Variants in CRYBA1 observed in about 807,000 individuals in gnomAD.
CRYBA1 encodes the protein crystallin beta A1.
Under a neutral mutation model 36.2 loss-of-function variants are expected in CRYBA1, and 25 were observed. That is an observed-to-expected ratio of 0.69 (90% CI 0.50 to 0.97). The LOEUF is 0.97. Ranked by LOEUF, CRYBA1 falls within the 50% of genes least tolerant of loss-of-function variation. The pLI, the probability that CRYBA1 is intolerant of heterozygous loss-of-function variation, is 0.00. For synonymous variants in CRYBA1, 111 were observed against 90.0 expected (o/e 1.23, Z -1.32); for missense variants, 224 against 276.3 (o/e 0.81, Z 1.34).
intron 4 of CRYBA1, among the ~76,000 whole-genome samples, chr17:29,252,832 T>C (rs1438351620): frequency 6.6e-6 from 1 of 152,242 alleles, no homozygotes; most frequent in Non-Finnish European, 1.5e-5. Flanking sequence ...TGTGAGAGTT[T>C]CTCGTGATTT....
At position 29,250,179 on chromosome 17, in the gene CRYBA1, C is replaced by T; in HGVS notation, c.97-3C>T. On this transcript the variant is annotated splice_polypyrimidine_tract_variant and splice_region_variant and intron_variant, in intron 2 of 5. Transcript: ENST00000225387. Reference sequence around the variant, plus strand: ...TCTCTTGCGCCATTCAATCTCATTTCAGATAACCATCTATGATCAGGAGAA... The same window carrying T: ...TCTCTTGCGCCATTCAATCTCATTTTAGATAACCATCTATGATCAGGAGAA... The T allele has an allele frequency of 1.3e-6, 2 of 1,521,344 alleles. No homozygotes were observed. Among genetic ancestry groups the T allele is most frequent in the African/African-American group, 1.4e-5 (1 of 73,294 alleles). The allele number at this position is 1,521,344 out of a possible 1,614,324, so 94.2% of individuals were successfully genotyped here.
chr17:29,252,308 G>T, intron 4 of CRYBA1, 103 bp downstream of exon 4: 1 of 1,497,724 alleles, frequency 6.7e-7, no homozygotes, highest in Non-Finnish European at 9.2e-7. Context: ...GCTGAATGTG[G>T]CAGGAAAAAA....
intron 1 of CRYBA1, among the ~76,000 whole-genome samples, chr17:29,247,236 A>C (rs1183034311): frequency 6.6e-6 from 1 of 152,154 alleles, no homozygotes; most frequent in African/African-American, 2.4e-5. Flanking sequence ...TCCTGGGCCC[A>C]ATACCAGCCA....
At chr17:29,249,062 C>T in intron 1 of CRYBA1, 80 bp from the exon 2 acceptor site, 1 of 924,242 alleles carries the variant, frequency 1.1e-6, no homozygotes, top group East Asian at 2.4e-5. Context: ...GACTTCAAGT[C>T]TCCTTTACCT....
intron 1 of CRYBA1, among the ~76,000 whole-genome samples, chr17:29,247,788 A>G (rs1225888552): frequency 1.3e-5 from 2 of 152,238 alleles, no homozygotes; most frequent in Non-Finnish European, 2.9e-5. Flanking sequence ...TGAGAAGGCA[A>G]GGTCAAGGCT....
At chr17:29,249,316 T>A in intron 2 of CRYBA1, 110 bp downstream of exon 2, 1 of 761,122 alleles carries the variant, frequency 1.3e-6, no homozygotes, top group Non-Finnish European at 2.3e-6. Flanking sequence ...AAACCCCAGT[T>A]TGTAGGGGAA....
At chr17:29,253,857 GATT>G in intron 5 of CRYBA1, 75 bp downstream of exon 5, 1 of 1,526,112 alleles carries the variant, frequency 6.6e-7, no homozygotes, top group Admixed American at 1.8e-5. Flanking sequence ...GTTTTAATCA[GATT>G]TCATACGTAT....
chr17:29,251,142 G>A (rs1417874511), intron 3 of CRYBA1, among the ~76,000 whole-genome samples: 1 of 152,208 alleles, frequency 6.6e-6, no homozygotes, highest in East Asian at 1.9e-4. Flanking sequence ...GAAGAAAAAA[G>A]ACTAGTAATC....
rs3214267 is a variant in CRYBA1, at chr17:29,252,326, G to GT, written c.357+122dup. On this transcript the variant is annotated intron_variant, in intron 4 of 5. Coordinates refer to ENST00000225387, the MANE Select transcript of CRYBA1 (RefSeq NM_005208.5). ...GAATGTGGCAGGAAAAAAGACAAAAGTAAAAAAAGAGAAAACATCACTTTC... is the reference window on the plus strand; with the variant it reads ...GAATGTGGCAGGAAAAAAGACAAAAGTTAAAAAAAGAGAAAACATCACTTTC... 38 of 1,377,604 alleles carry GT rather than the reference G, an allele frequency of 2.8e-5. 1 individual carries two copies. In the East Asian group the frequency reaches 9.3e-4, roughly 34 times the overall value. 85.3% of individuals were successfully genotyped at this position (1,377,604 alleles called of 1,614,324 possible).
In CRYBA1 at chr17:29,253,650, A is replaced by G. The variant is rs2153009702; in HGVS notation, c.368A>G (p.Glu123Gly). The G allele has an allele frequency of 1.2e-6, 2 of 1,612,298 alleles. No individual in the cohort carries two copies. Among genetic ancestry groups the G allele is most frequent in the Non-Finnish European group, 1.7e-6 (2 of 1,178,312 alleles). Reference sequence around the variant, plus strand: ...ATTTCTGAATTACAGAATCATAAGGAGTCTAAGATGACCATCTTTGAGAAG... The same window carrying G: ...ATTTCTGAATTACAGAATCATAAGGGGTCTAAGATGACCATCTTTGAGAAG... ...FRPICSANHKESKMTIFEKEN... is the reference protein window; with the variant it reads ...FRPICSANHKGSKMTIFEKEN... The change falls in exon 5 of 6, where the codon GAG (glutamate) becomes GGG (glycine). Residue 123 changes from glutamate to glycine, a missense_variant. Glu to Gly is a moderately conservative substitution (Grantham distance 98). Coordinates refer to ENST00000225387, the MANE Select transcript of CRYBA1 (RefSeq NM_005208.5).
Position 29,254,467 on chromosome 17 carries a change from A to G in CRYBA1, c.*118A>G. ...TTTCAAATGTTAGCTGCTGAAATCC[A>G]CAATAAACGTCATTTAAAAAAAAAA... On this transcript the variant is annotated 3_prime_UTR_variant, in exon 6 of 6. Coordinates refer to ENST00000225387, the MANE Select transcript of CRYBA1 (RefSeq NM_005208.5). 9.1e-7 allele frequency: 1 copy of G among 1,095,246 alleles called. No homozygotes were observed. The highest frequency in any genetic ancestry group is 1.4e-6 in the Non-Finnish European group (1 of 736,766). The allele number at this position is 1,095,246 out of a possible 1,614,324, so 67.8% of individuals were successfully genotyped here.
At chr17:29,250,746 GA>G (rs201957087) in intron 3 of CRYBA1, among the ~76,000 whole-genome samples, 17 of 147,918 alleles carry the variant, frequency 1.1e-4, no homozygotes, top group East Asian at 2.0e-4. Flanking sequence ...ATTTCTTTAT[GA>G]AAAAAAAAAC....
In CRYBA1 at chr17:29,248,188, G is replaced by A. The variant is rs560063387; in HGVS notation, c.32-954G>A. On this transcript the variant is annotated intron_variant, in intron 1 of 5. Transcript: ENST00000225387. ...TGAGACCGTGAAGGGTTACGAGGGA[G>A]TCTGGGGCTTGGGATCCTGGCATGG... Among the ~76,000 whole-genome samples, 5 of 152,078 alleles carry A rather than the reference G, an allele frequency of 3.3e-5. No homozygotes were observed. In the East Asian group the frequency reaches 9.6e-4, roughly 29 times the overall value.
At chr17:29,248,621 T>C (rs764802377) in intron 1 of CRYBA1, among the ~76,000 whole-genome samples, 7 of 151,284 alleles carry the variant, frequency 4.6e-5, no homozygotes, top group East Asian at 2.0e-4. Flanking sequence ...CGCTTTGGCC[T>C]CCCAAAGTGC....
chr17:29,248,060 G>A (rs1414681830), intron 1 of CRYBA1, among the ~76,000 whole-genome samples: 1 of 151,778 alleles, frequency 6.6e-6, no homozygotes, highest in East Asian at 2.0e-4. Context: ...AGGTTGCGGT[G>A]AGCCGAGATT....
chr17:29,253,103 A>G (rs1288656796), intron 4 of CRYBA1, among the ~76,000 whole-genome samples: 1 of 152,224 alleles, frequency 6.6e-6, no homozygotes, highest in Non-Finnish European at 1.5e-5. Context: ...AGAACATTCC[A>G]TCATAGTTCC....
Position 29,247,267 on chromosome 17 carries a change from T to C in CRYBA1, c.31+373T>C, listed in dbSNP as rs2068906481. Among the ~76,000 whole-genome samples, 3 of 152,232 alleles carry C rather than the reference T, an allele frequency of 2.0e-5. No individual in the cohort carries two copies. The South Asian group carries it at 6.2e-4, about 31-fold the overall frequency. ...AGCCAGGAGGAGGGCCATGAATATC[T>C]GTCCTAAGAAACCTAATACACACCT... On this transcript the variant is annotated intron_variant, in intron 1 of 5. Transcript: ENST00000225387.
chr17:29,249,081 A>T, intron 1 of CRYBA1, 61 bp from the exon 2 acceptor site: 5 of 1,011,532 alleles, frequency 4.9e-6, no homozygotes, highest in Non-Finnish European at 7.9e-6. Flanking sequence ...CTTTCAAGGC[A>T]TTCCCTCACC....
intron 1 of CRYBA1, among the ~76,000 whole-genome samples, chr17:29,248,900 A>G (rs927357241): frequency 1.3e-5 from 2 of 151,958 alleles, no homozygotes; most frequent in South Asian, 2.1e-4. Flanking sequence ...CCCAGGAGGC[A>G]GAGGTTGCAG....
Sources: allele counts gnomAD v4.1 joint callset (sites outside exome capture counted in the v4.1 genomes callset), GRCh38; gene constraint gnomAD v4.1.1; transcripts MANE v1.5; gene names NCBI Gene and HGNC (gene_info 2026-07-23, HGNC 2026-07-21).